SYCE2: variants seen among roughly 807,000 people sequenced by gnomAD.
SYCE2 encodes the protein synaptonemal complex central element protein 2.
SYCE2 carries 3 observed loss-of-function variants against 27.9 expected under a neutral mutation model. The ratio of observed to expected loss-of-function variants is 0.11; its 90% CI spans 0.05 to 0.28. The LOEUF (loss-of-function observed/expected upper bound fraction) is 0.28. Ranked by LOEUF, SYCE2 falls within the 10% of genes least tolerant of loss-of-function variation. SYCE2 has a pLI of 1.00. For missense variants in SYCE2, 207 were observed against 263.5 expected (o/e 0.79, Z 1.48); for synonymous variants, 85 against 100.7 (o/e 0.84, Z 0.93).
chr19:12,916,218 C>T (rs963235847), intron 2 of SYCE2, among the ~76,000 whole-genome samples: 4 of 151,990 alleles, frequency 2.6e-5, no homozygotes, highest in Non-Finnish European at 2.9e-5. Flanking sequence ...TAAAGGCATG[C>T]GCCACCACGC....
In SYCE2 at chr19:12,900,531, A is replaced by G. The variant is rs2145961548; in HGVS notation, c.424T>C (p.Leu142=). 5 of 1,614,144 alleles carry G rather than the reference A, an allele frequency of 3.1e-6. No individual in the cohort carries two copies. The highest frequency in any genetic ancestry group is 2.2e-5 in the East Asian group (1 of 44,892). Residue 142 remains leucine, a synonymous_variant, in exon 4 of 6, where the codon TTG becomes CTG. Coordinates refer to ENST00000293695, the MANE Select transcript of SYCE2 (RefSeq NM_001105578.2). ...FTQKMAKISH[L]ETELKQVCHS... is the part of the protein sequence containing the mutation. ...CAGACTTGTTTGAGCTCTGTCTCCA[A>G]ATGGCTGATCTTTGCCATTTTCTGG...
intron 1 of SYCE2, among the ~76,000 whole-genome samples, chr19:12,918,849 G>A (rs1057105854): frequency 4.6e-5 from 7 of 151,946 alleles, no homozygotes; most frequent in Non-Finnish European, 8.8e-5. Flanking sequence ...TACTCGGGAG[G>A]CTGAGGAAGG....
At chr19:12,903,361 G>A (rs1436428776) in intron 3 of SYCE2, among the ~76,000 whole-genome samples, 3 of 150,596 alleles carry the variant, frequency 2.0e-5, no homozygotes, top group Non-Finnish European at 4.4e-5. Context: ...AAAGTGCTGG[G>A]ATTACAGGCC....
intron 2 of SYCE2, among the ~76,000 whole-genome samples, chr19:12,910,334 G>T: frequency 6.6e-6 from 1 of 151,144 alleles, no homozygotes; most frequent in Admixed American, 6.6e-5. Context: ...ATTTTCTTTT[G>T]TAAAAAATTT....
intron 2 of SYCE2, chr19:12,906,232 CT>C (rs1398126014): frequency 6.6e-6 from 1 of 152,234 alleles, no homozygotes; most frequent in Non-Finnish European, 1.5e-5. Context: ...TGTTGACCGC[CT>C]GGGGCTACAG....
chr19:12,907,533 G>A (rs919670422), intron 2 of SYCE2, among the ~76,000 whole-genome samples: 2 of 152,204 alleles, frequency 1.3e-5, no homozygotes, highest in East Asian at 3.9e-4. Flanking sequence ...GCTCACGCCT[G>A]TAATCCCAGC....
intron 2 of SYCE2, among the ~76,000 whole-genome samples, chr19:12,909,372 T>C (rs951825869): frequency 6.6e-6 from 1 of 152,028 alleles, no homozygotes; most frequent in Non-Finnish European, 1.5e-5. Flanking sequence ...AAACTCCACA[T>C]TTGCACAACC....
chr19:12,910,268 G>A (rs969159715), intron 2 of SYCE2, among the ~76,000 whole-genome samples: 2 of 151,626 alleles, frequency 1.3e-5, no homozygotes, highest in African/African-American at 4.8e-5. Flanking sequence ...ATTTATTTTT[G>A]TAAAAAATTT....
intron 3 of SYCE2, among the ~76,000 whole-genome samples, chr19:12,902,242 C>T (rs1014448511): frequency 1.3e-5 from 2 of 151,998 alleles, no homozygotes; most frequent in Admixed American, 1.3e-4. Context: ...ATGACAGTGT[C>T]ACCTAGGGAT....
chr19:12,912,048 C>T (rs1025658667), intron 2 of SYCE2, among the ~76,000 whole-genome samples: 1 of 148,446 alleles, frequency 6.7e-6, no homozygotes, highest in Non-Finnish European at 1.5e-5. Context: ...AGCAATTCTC[C>T]TGCCTCAGCT....
At chr19:12,900,308 C>G in intron 4 of SYCE2, 152 bp downstream of exon 4, 1 of 1,080,424 alleles carries the variant, frequency 9.3e-7, no homozygotes, top group Admixed American at 2.9e-5. Context: ...TAGGGGATCA[C>G]AAACAAGATG....
chr19:12,916,907 G>A (rs536264096), intron 2 of SYCE2, among the ~76,000 whole-genome samples: 3 of 151,668 alleles, frequency 2.0e-5, no homozygotes, highest in Non-Finnish European at 2.9e-5. Flanking sequence ...GCACCACCAC[G>A]CCTGGCTGAT....
At chr19:12,908,278 T>C (rs1248220762) in intron 2 of SYCE2, among the ~76,000 whole-genome samples, 2 of 20,176 alleles carry the variant, frequency 9.9e-5, no homozygotes, top group East Asian at 5.2e-3. Context: ...TTTCTGGGCT[T>C]TTTTTTTTTT....
intron 2 of SYCE2, among the ~76,000 whole-genome samples, chr19:12,910,079 C>G (rs1455654325): frequency 1.3e-5 from 2 of 151,870 alleles, no homozygotes; most frequent in African/African-American, 4.8e-5. Context: ...CTTGGCCAGG[C>G]TGGTCTCCAA....
intron 2 of SYCE2, 123 bp from the exon 3 acceptor site, chr19:12,904,789 A>G: frequency 1.8e-6 from 2 of 1,108,622 alleles, no homozygotes; most frequent in South Asian, 3.0e-5. Flanking sequence ...TCACAAGGTC[A>G]GGAGTTCGAG....
chr19:12,904,401 C>A, intron 3 of SYCE2, 91 bp downstream of exon 3: 1 of 1,504,330 alleles, frequency 6.6e-7, no homozygotes, highest in Non-Finnish European at 9.2e-7. Flanking sequence ...TGGCCTAGCA[C>A]CGTGCCTGGT....
At chr19:12,918,646 G>A (rs994809766) in intron 1 of SYCE2, among the ~76,000 whole-genome samples, 4 of 152,152 alleles carry the variant, frequency 2.6e-5, no homozygotes, top group African/African-American at 9.6e-5. Flanking sequence ...TTCGAGAAAG[G>A]AGAAGAGGTA....
chr19:12,917,812 A>C (rs2145985043), intron 2 of SYCE2, among the ~76,000 whole-genome samples: 1 of 151,722 alleles, frequency 6.6e-6, no homozygotes, highest in Middle Eastern at 3.4e-3. Context: ...GGCATGTGCC[A>C]CTATGCCCAG....
chr19:12,900,786 G>A (rs891378177), intron 3 of SYCE2, 138 bp from the exon 4 acceptor site: 7 of 815,526 alleles, frequency 8.6e-6, no homozygotes, highest in African/African-American at 3.5e-5. Flanking sequence ...GCTCATGCCT[G>A]TAACCCCAGC....
Sources: gnomAD v4.1 joint callset for allele counts (sites outside exome capture counted in the v4.1 genomes callset) on GRCh38, gnomAD v4.1.1 for gene constraint, MANE v1.5 for transcripts, NCBI Gene and HGNC (gene_info 2026-07-23, HGNC 2026-07-21) for gene names.